Variants in ADCY6 observed in about 807,000 individuals in gnomAD.
ADCY6 encodes the protein adenylate cyclase type 6.
ADCY6 carries 59 observed loss-of-function variants against 111.6 expected under a neutral mutation model. That is an observed-to-expected ratio of 0.53 (90% CI 0.43 to 0.66). The LOEUF is 0.66. ADCY6 is among the 30% of genes least tolerant of loss of function. The pLI is 0.00. For synonymous variants in ADCY6, 576 were observed against 642.9 expected (o/e 0.90, Z 1.57); for missense variants, 1,242 against 1,595.6 (o/e 0.78, Z 3.78).
chr12:48,770,639 A>G (rs1941511141), intron 20 of ADCY6, 127 bp downstream of exon 20: 1 of 865,272 alleles, frequency 1.2e-6, no homozygotes, highest in South Asian at 1.6e-5. Flanking sequence ...TTGATATAGG[A>G]GGTCAGAGGG....
intron 20 of ADCY6, among the ~76,000 whole-genome samples, chr12:48,769,826 A>G (rs1178219064): frequency 6.9e-6 from 1 of 145,976 alleles, no homozygotes; most frequent in Admixed American, 7.0e-5. Flanking sequence ...CAGTGGCACC[A>G]TCTCGGCTCA....
At position 48,783,334 on chromosome 12, in the gene ADCY6, C is replaced by T. The variant is rs141574837; in HGVS notation, c.101G>A (p.Arg34Gln). 267 of 1,614,022 alleles carry T rather than the reference C, an allele frequency of 1.7e-4. No individual in the cohort carries two copies. The African/African-American group carries it at 2.7e-3, about 16-fold the overall frequency. The change falls in exon 2 of 22, where the codon CGG becomes CAG. Residue 34 changes from arginine (R) to glutamine (Q), a missense_variant. Physicochemically the swap from Arg to Gln is conservative, Grantham distance 43. Coordinates refer to ENST00000357869, the MANE Select transcript of ADCY6 (RefSeq NM_015270.5). ...GCGGGGCGTGCAGAAGCCACCTGCC[C>T]GAGTGCCACGGCGCCGCGAACGCTT... ...GQKRSRRRGT[R>Q]AGGFCTPRYM...
At position 48,777,963 on chromosome 12, in the gene ADCY6, C is replaced by G. The variant is rs1386747027; in HGVS notation, c.1014+145G>C. ...CTCCTTCCCTTGGACAGGACAAAACCCCAGTATCACAGGGCCTCTGTGACG... is the reference window on the plus strand; with the variant it reads ...CTCCTTCCCTTGGACAGGACAAAACGCCAGTATCACAGGGCCTCTGTGACG... On this transcript the variant is annotated intron_variant, in intron 3 of 21. Transcript: ENST00000357869. The surrounding 1 kb of genome is among the most constrained non-coding windows in gnomAD (Gnocchi z 4.9). 2.3e-6 allele frequency: 3 copies of G among 1,310,422 alleles called. No homozygotes were observed. The highest frequency in any genetic ancestry group is 3.1e-6 in the Non-Finnish European group (3 of 963,620). The allele number at this position is 1,310,422 out of a possible 1,614,324, so 81.2% of individuals were successfully genotyped here. A position where few individuals can be genotyped will look rare whatever the true frequency, so the allele number is the denominator to read the frequency against.
chr12:48,785,000 G>A (rs562208412), intron 1 of ADCY6, among the ~76,000 whole-genome samples: 15 of 152,072 alleles, frequency 9.9e-5, no homozygotes, highest in South Asian at 6.2e-4. Context: ...AACACACCCC[G>A]CACAGGCCAG....
intron 3 of ADCY6, 56 bp downstream of exon 3, chr12:48,778,052 G>T: frequency 6.4e-7 from 1 of 1,560,590 alleles, no homozygotes; most frequent in Non-Finnish European, 8.7e-7. Flanking sequence ...GATCCAATGT[G>T]CAAGTTATTT....
Position 48,777,811 on chromosome 12 carries a change from C to T in ADCY6, c.1015-75G>A, listed in dbSNP as rs540764371. ...GCAATCCCTCCTGGTCTCTCCACAT[C>T]GCCAGAGCCCTCCTAGACTTCTCTG... On this transcript the variant is annotated intron_variant, in intron 3 of 21. Coordinates refer to ENST00000357869, the MANE Select transcript of ADCY6 (RefSeq NM_015270.5). This position sits in a 1 kb window ranked among gnomAD's most constrained non-coding sequence, Gnocchi z 4.9. 56 of 1,580,444 alleles carry T rather than the reference C, an allele frequency of 3.5e-5. No homozygotes were observed. The African/African-American group carries it at 5.9e-4, about 17-fold the overall frequency.
rs776689312 is a variant in ADCY6 at position 48,773,960 on chromosome 12, G to A, written c.2422C>T (p.Pro808Ser). ...AACACCTCAGGAAAGCTGCAGGTGGGCATGGTGCCCTCACACAGGGGAGCA... is the reference window on the plus strand; with the variant it reads ...AACACCTCAGGAAAGCTGCAGGTGGACATGGTGCCCTCACACAGGGGAGCA... ...LDAPLCEGTM[P>S]TCSFPEYFIG... The change falls in exon 15 of 22, where the codon CCC becomes TCC. Residue 808 changes from proline to serine, a missense_variant. By Grantham distance (74) the Pro-to-Ser change is moderately conservative (BLOSUM62 -1). This residue lies in a region of ADCY6 where 375 missense variants were observed against 432.5 expected (regional missense o/e 0.87). Transcript: ENST00000357869. The A allele has an allele frequency of 5.0e-6, 8 of 1,613,756 alleles. No individual in the cohort carries two copies. Among genetic ancestry groups the A allele is most frequent in the Non-Finnish European group, 6.8e-6 (8 of 1,179,850 alleles).
Position 48,771,830 on chromosome 12 carries a change from A to G in ADCY6, c.2931T>C (p.Cys977=), listed in dbSNP as rs1171076644. The change falls in exon 19 of 22, where the codon TGT becomes TGC. Residue 977 remains cysteine, a synonymous_variant. Transcript: ENST00000357869. The surrounding 1 kb of genome is among the most constrained non-coding windows in gnomAD (Gnocchi z 4.3). ...NDELYYQSCE[C]VAVMFASIAN... is the part of the protein sequence containing the mutation. ...CAATGGAGGCAAACATAACAGCCAC[A>G]CACTCACACGACTGATAGTAGAGTT... The G allele has an allele frequency of 6.2e-7, 1 of 1,614,026 alleles. No individual in the cohort carries two copies. Among genetic ancestry groups the G allele is most frequent in the African/African-American group, 1.3e-5 (1 of 74,900 alleles).
At chr12:48,783,703 G>A in intron 1 of ADCY6, 1 of 643,700 alleles carries the variant, frequency 1.6e-6, no homozygotes, top group Non-Finnish European at 2.5e-6. Context: ...AGCACTTTGT[G>A]AGGCCGAGAT....
chr12:48,767,005 AG>A lies in ADCY6; in HGVS notation c.*1585del, dbSNP rs141933511. Reference sequence around the variant, plus strand: ...TTCTGCCAGCCCTCAAGGCTTCACAAGGGACTGGGGAGCTAGAAACATGCTA... The same window carrying A: ...TTCTGCCAGCCCTCAAGGCTTCACAAGGACTGGGGAGCTAGAAACATGCTA... On this transcript the variant is annotated 3_prime_UTR_variant, in exon 22 of 22. Coordinates refer to ENST00000357869, the MANE Select transcript of ADCY6 (RefSeq NM_015270.5). The A allele has an allele frequency of 1.5e-3, 224 of 152,430 alleles. 1 individual carries two copies. The highest frequency in any genetic ancestry group is 5.1e-3 in the African/African-American group (213 of 41,558). 9.4% of individuals were successfully genotyped at this position (152,430 alleles called of 1,614,324 possible). A position where few individuals can be genotyped will look rare whatever the true frequency, so the allele number is the denominator to read the frequency against.
Position 48,777,916 on chromosome 12 carries a change from C to T in ADCY6, c.1015-180G>A, listed in dbSNP as rs1018632792. On this transcript the variant is annotated intron_variant, in intron 3 of 21. Coordinates refer to ENST00000357869, the MANE Select transcript of ADCY6 (RefSeq NM_015270.5). The surrounding 1 kb of genome is among the most constrained non-coding windows in gnomAD (Gnocchi z 4.9). ...CTCTGACCACCCTCCATTGAGCCCC[C>T]AGATGTGCTCCTGTCTACGCCCTCC... 3.9e-5 allele frequency among the ~76,000 whole-genome samples: 6 copies of T among 152,172 alleles called. No individual in the cohort carries two copies. Among genetic ancestry groups the T allele is most frequent in the African/African-American group, 1.4e-4 (6 of 41,430 alleles).
At position 48,773,932 on chromosome 12, in the gene ADCY6, T is replaced by C; in HGVS notation, c.2442+8A>G. The C allele has an allele frequency of 6.2e-7, 1 of 1,613,422 alleles. No individual in the cohort carries two copies. On this transcript the variant is annotated splice_region_variant and intron_variant, in intron 15 of 21. Transcript: ENST00000357869. ...AGCCCCCCCACCGCCTGAGCACTGC[T>C]CGAACACCTCAGGAAAGCTGCAGGT... is the stretch of plus-strand genomic sequence containing the variant.
Position 48,775,764 on chromosome 12 carries a change from C to G in ADCY6, c.1807-66G>C, listed in dbSNP as rs371607298. The stretch of plus-strand genomic sequence containing the variant: ...ACAACCTTCATCTCTGCAGCTCCTT[C>G]CCCCACCCCAACACTGTGCTGAGGG... On this transcript the variant is annotated intron_variant, in intron 9 of 21. Transcript: ENST00000357869. The G allele has an allele frequency of 1.9e-6, 3 of 1,573,098 alleles. No homozygotes were observed. In the African/African-American group the frequency reaches 4.1e-5, roughly 21 times the overall value.
Position 48,778,872 on chromosome 12 carries a change from A to ATTTTTTTTT in ADCY6, c.865-624_865-616dup, listed in dbSNP as rs1037254707. 7.0e-3 allele frequency among the ~76,000 whole-genome samples: 510 copies of ATTTTTTTTT among 72,412 alleles called. 78 individuals are homozygous for ATTTTTTTTT. Among genetic ancestry groups the ATTTTTTTTT allele is most frequent in the African/African-American group, 0.029 (478 of 16,732 alleles). 47.5% of individuals were successfully genotyped at this position (72,412 alleles called of 152,430 possible). On this transcript the variant is annotated intron_variant, in intron 2 of 21. Transcript: ENST00000357869. ...GTGTCTTCTATACACTGAATAACACATTTTTTTTTTTTTTTTTTTTTTTTT... is the reference window on the plus strand; with the variant it reads ...GTGTCTTCTATACACTGAATAACACATTTTTTTTTTTTTTTTTTTTTTTTTTTTTTTTTT...
intron 14 of ADCY6, 45 bp downstream of exon 14, chr12:48,774,357 G>A: frequency 6.5e-7 from 1 of 1,543,918 alleles, no homozygotes; most frequent in Non-Finnish European, 9.0e-7. Context: ...CCAGGACAGT[G>A]CTTGGCACAG....
At chr12:48,783,683 C>T in intron 1 of ADCY6, 2 of 810,116 alleles carry the variant, frequency 2.5e-6, no homozygotes, top group Admixed American at 3.2e-5. Flanking sequence ...TGGCTTACAC[C>T]TGTAATCCCA....
Position 48,771,214 on chromosome 12 carries a change from C to G in ADCY6, c.3052-244G>C, listed in dbSNP as rs1290883375. On this transcript the variant is annotated intron_variant, in intron 19 of 21. Transcript: ENST00000357869. This position sits in a 1 kb window ranked among gnomAD's most constrained non-coding sequence, Gnocchi z 4.3. ...AGTAGCTCACTCACAGAACACAGACCCACAAGTGCAATATTAAGCAATTTC... is the reference window on the plus strand; with the variant it reads ...AGTAGCTCACTCACAGAACACAGACGCACAAGTGCAATATTAAGCAATTTC... 5.3e-6 allele frequency: 3 copies of G among 565,720 alleles called. No homozygotes were observed. The African/African-American group carries it at 5.6e-5, about 11-fold the overall frequency. 35.0% of individuals were successfully genotyped at this position (565,720 alleles called of 1,614,324 possible).
chr12:48,773,699 T>G (rs1194263551), intron 15 of ADCY6, 52 bp from the exon 16 acceptor site: 1 of 1,605,480 alleles, frequency 6.2e-7, no homozygotes, highest in African/African-American at 1.3e-5. Flanking sequence ...CACAGCACCC[T>G]TGGGCAGGGA....
Position 48,768,434 on chromosome 12 carries a change from G to C in ADCY6, c.*157C>G. On this transcript the variant is annotated 3_prime_UTR_variant, in exon 22 of 22. Coordinates refer to ENST00000357869, the MANE Select transcript of ADCY6 (RefSeq NM_015270.5). ...CCCCTTGTTTTCCAGCTTGAGGGCA[G>C]ACGAGCATGATCCAAGCACAGCCTG... is the stretch of plus-strand genomic sequence containing the variant. 9.3e-7 allele frequency: 1 copy of C among 1,076,152 alleles called. No individual in the cohort carries two copies. The highest frequency in any genetic ancestry group is 1.4e-6 in the Non-Finnish European group (1 of 734,126). The allele number at this position is 1,076,152 out of a possible 1,614,324, so 66.7% of individuals were successfully genotyped here.
Sources: gnomAD v4.1 joint callset for allele counts (sites outside exome capture counted in the v4.1 genomes callset) on GRCh38, gnomAD v4.1.1 for gene constraint, gnomAD v4.1.1 regional missense constraint, Gnocchi (gnomAD v3.1) non-coding constraint, MANE v1.5 for transcripts, NCBI Gene and HGNC (gene_info 2026-07-23, HGNC 2026-07-21) for gene names.